The following AGBL4 variants were observed in gnomAD, a reference collection of about 807,000 sequenced individuals.
AGBL4 encodes the protein cytosolic carboxypeptidase 6.
AGBL4 carries 58 observed loss-of-function variants against 66.4 expected under a neutral mutation model. The ratio of observed to expected loss-of-function variants is 0.87; its 90% CI spans 0.71 to 1.09. The LOEUF is 1.09. Ranked by LOEUF, AGBL4 falls within the 50% of genes least tolerant of loss-of-function variation. AGBL4 has a pLI of 0.00. For synonymous variants in AGBL4, 234 were observed against 222.9 expected, an observed-to-expected ratio of 1.05 and a Z score of -0.44; for missense variants, 579 against 631.0, an observed-to-expected ratio of 0.92 and a Z score of 0.88.
chr1:48,876,267 A>G (rs1215162114), intron 5 of AGBL4, among the ~76,000 whole-genome samples: 1 of 152,140 alleles, frequency 6.6e-6, no homozygotes, highest in African/African-American at 2.4e-5. Context: ...TCAAGTTCCT[A>G]AAGAGGACTG....
chr1:49,080,687 C>T (rs556897117), intron 4 of AGBL4, among the ~76,000 whole-genome samples: 2 of 152,244 alleles, frequency 1.3e-5, no homozygotes, highest in South Asian at 2.1e-4. Context: ...TCATGGAAAG[C>T]TTTAAATAAA....
At chr1:48,594,335 T>C (rs1279080995) in intron 9 of AGBL4, among the ~76,000 whole-genome samples, 1 of 152,100 alleles carries the variant, frequency 6.6e-6, no homozygotes, top group Admixed American at 6.6e-5. Flanking sequence ...AATAAATAAA[T>C]AAATAAATAA....
intron 3 of AGBL4, among the ~76,000 whole-genome samples, chr1:49,691,906 C>A (rs1646895249): frequency 6.6e-6 from 1 of 152,192 alleles, no homozygotes; most frequent in South Asian, 2.1e-4. Context: ...GGAACTCAGA[C>A]TGGCTTTCCT....
At chr1:49,493,766 T>C (rs2148748621) in intron 3 of AGBL4, among the ~76,000 whole-genome samples, 1 of 152,182 alleles carries the variant, frequency 6.6e-6, no homozygotes, top group Non-Finnish European at 1.5e-5. Flanking sequence ...TGAATTGTTT[T>C]TGTATCATTT....
chr1:48,662,436 C>A (rs1043058247), intron 7 of AGBL4, among the ~76,000 whole-genome samples: 3 of 152,204 alleles, frequency 2.0e-5, no homozygotes, highest in Non-Finnish European at 4.4e-5. Flanking sequence ...GTTATAGAAC[C>A]TACACAGGCG....
chr1:49,944,512 A>C (rs1655042748), intron 1 of AGBL4, among the ~76,000 whole-genome samples: 1 of 152,172 alleles, frequency 6.6e-6, no homozygotes, highest in Non-Finnish European at 1.5e-5. Context: ...AAAAATGGGA[A>C]GAGTACCACA....
chr1:48,939,470 T>C (rs181491078), intron 5 of AGBL4, among the ~76,000 whole-genome samples: 2 of 152,312 alleles, frequency 1.3e-5, no homozygotes, highest in East Asian at 3.9e-4. Flanking sequence ...ACAAATTCAA[T>C]TTGTTCAAAC....
At chr1:48,916,800 G>T (rs537255972) in intron 5 of AGBL4, among the ~76,000 whole-genome samples, 5 of 152,236 alleles carry the variant, frequency 3.3e-5, no homozygotes, top group South Asian at 2.1e-4. Context: ...TTCTTTAAGG[G>T]TGATTAATAA....
intron 2 of AGBL4, among the ~76,000 whole-genome samples, chr1:49,810,618 T>C (rs917334486): frequency 5.3e-5 from 8 of 152,112 alleles, no homozygotes; most frequent in African/African-American, 1.9e-4. Context: ...GCAAAAAACA[T>C]GTTTCATGTA....
intron 4 of AGBL4, among the ~76,000 whole-genome samples, chr1:49,193,148 A>G (rs1647155180): frequency 6.6e-6 from 1 of 151,866 alleles, no homozygotes; most frequent in Non-Finnish European, 1.5e-5. Flanking sequence ...TTAACTTTTT[A>G]AAGAACCAGT....
At chr1:48,910,791 G>C (rs1284780804) in intron 5 of AGBL4, among the ~76,000 whole-genome samples, 2 of 152,138 alleles carry the variant, frequency 1.3e-5, no homozygotes, top group African/African-American at 4.8e-5. Flanking sequence ...TTACCAAATG[G>C]ATTTCTCCAT....
At chr1:48,970,713 C>T (rs1658831829) in intron 5 of AGBL4, among the ~76,000 whole-genome samples, 1 of 152,100 alleles carries the variant, frequency 6.6e-6, no homozygotes. Flanking sequence ...TTTTCAGTTG[C>T]ATACTATTTG....
At position 49,676,187 on chromosome 1, in the gene AGBL4, T is replaced by C. The variant is rs185614670; in HGVS notation, c.282+21126A>G. Among the ~76,000 whole-genome samples the C allele has an allele frequency of 1.9e-4, 29 of 152,200 alleles. No individual in the cohort carries two copies. In the East Asian group the frequency reaches 4.2e-3, roughly 22 times the overall value. ...AAGTAAACCTAAATTCCAATATTTC[T>C]GACCCTGTATCCATTGTTGTTAGCA... On this transcript the variant is annotated intron_variant, in intron 3 of 13. Transcript: ENST00000371839.
chr1:49,211,439 T>A (rs1039897953), intron 4 of AGBL4, among the ~76,000 whole-genome samples: 1 of 152,088 alleles, frequency 6.6e-6, no homozygotes. Context: ...GAACTTATGG[T>A]TCTTCATGTG....
At chr1:49,161,376 C>G (rs942872674) in intron 4 of AGBL4, among the ~76,000 whole-genome samples, 2 of 152,166 alleles carry the variant, frequency 1.3e-5, no homozygotes, top group African/African-American at 4.8e-5. Context: ...CCTCCATGGA[C>G]TGCAACCACT....
chr1:49,922,625 C>T (rs78307457), intron 1 of AGBL4, among the ~76,000 whole-genome samples: 1,799 of 152,182 alleles, frequency 0.012, 32 homozygotes, highest in African/African-American at 0.041. Flanking sequence ...ATTTTATATA[C>T]AAAATCAATG....
chr1:48,662,686 G>T (rs1466929563), intron 7 of AGBL4, among the ~76,000 whole-genome samples: 1 of 152,154 alleles, frequency 6.6e-6, no homozygotes, highest in Non-Finnish European at 1.5e-5. Context: ...GCTTACTCTT[G>T]GCAGGTATTT....
Position 49,833,376 on chromosome 1 carries a change from A to G in AGBL4, c.157+18020T>C, listed in dbSNP as rs1480406906. On this transcript the variant is annotated intron_variant, in intron 2 of 13. Coordinates refer to ENST00000371839, the MANE Select transcript of AGBL4 (RefSeq NM_032785.4). The stretch of plus-strand genomic sequence containing the variant: ...ATATCTCTGTTTTGGTACCAGTACC[A>G]TGCTGTTTTGGTTACTGTAGCCTTG... 1.9e-3 allele frequency among the ~76,000 whole-genome samples: 292 copies of G among 152,178 alleles called. 3 individuals are homozygous for G. Among genetic ancestry groups the G allele is most frequent in the African/African-American group, 6.6e-3 (273 of 41,522 alleles).
At chr1:49,877,490 T>C (rs1395320344) in intron 1 of AGBL4, among the ~76,000 whole-genome samples, 1 of 150,690 alleles carries the variant, frequency 6.6e-6, no homozygotes. Flanking sequence ...GAACCAGCCT[T>C]GCATCCCAGG....
Sources: gnomAD v4.1 joint callset for allele counts (sites outside exome capture counted in the v4.1 genomes callset) on GRCh38, gnomAD v4.1.1 for gene constraint, MANE v1.5 for transcripts, NCBI Gene and HGNC (gene_info 2026-07-23, HGNC 2026-07-21) for gene names.